Variants in BIRC6 observed in about 807,000 individuals in gnomAD.
BIRC6 encodes baculoviral IAP repeat containing 6.
In BIRC6, 98 loss-of-function variants were observed where a neutral mutation model predicts 503.3. The ratio of observed to expected loss-of-function variants is 0.19; its 90% CI spans 0.17 to 0.23. The LOEUF is 0.23. Among genes scored for constraint, BIRC6 ranks in the 10% least tolerant of loss-of-function variants. BIRC6 has a pLI of 1.00. For missense variants in BIRC6, 5,360 were observed against 5,806.0 expected (o/e 0.92, Z 2.50); for synonymous variants, 2,240 against 2,078.7 (o/e 1.08, Z -2.11).
intron 10 of BIRC6, among the ~76,000 whole-genome samples, chr2:32,417,999 C>T (rs1006744031): frequency 5.3e-5 from 8 of 152,158 alleles, no homozygotes; most frequent in Non-Finnish European, 5.9e-5. Flanking sequence ...AGTCTGGTCT[C>T]GAACTGCTGA....
rs986224981 is a variant in BIRC6, at chr2:32,514,981, A to G, written c.10569-9A>G. The G allele has an allele frequency of 1.3e-6, 2 of 1,590,734 alleles. No homozygotes were observed. Among genetic ancestry groups the G allele is most frequent in the Non-Finnish European group, 1.7e-6 (2 of 1,164,034 alleles). On this transcript the variant is annotated splice_polypyrimidine_tract_variant and intron_variant, in intron 54 of 73. Transcript: ENST00000421745. The stretch of plus-strand genomic sequence containing the variant: ...TTGTATCATTAATATGATATCTTTT[A>G]TTTTTTAGGTTACTTTTTAATTGGT...
intron 21 of BIRC6, among the ~76,000 whole-genome samples, chr2:32,447,167 C>T (rs564315698): frequency 5.0e-4 from 75 of 150,096 alleles, no homozygotes; most frequent in Admixed American, 1.9e-3. Context: ...CACACAGACC[C>T]GGCAACCATC....
At chr2:32,511,201 CTTTTT>C in intron 53 of BIRC6, among the ~76,000 whole-genome samples, 682 of 48,644 alleles carry the variant, frequency 0.014, 1 homozygote, top group Middle Eastern at 0.079. Context: ...CTTTTCTTTT[CTTTTT>C]TTTTTTTTTT....
chr2:32,521,617 C>T (rs566567702), intron 57 of BIRC6, among the ~76,000 whole-genome samples: 8 of 149,778 alleles, frequency 5.3e-5, no homozygotes, highest in Non-Finnish European at 1.0e-4. Flanking sequence ...TATAGGCACG[C>T]GCCACCACAC....
chr2:32,500,029 T>G lies in BIRC6; in HGVS notation c.8951T>G (p.Val2984Gly). The G allele has an allele frequency of 6.2e-7, 1 of 1,613,976 alleles. No individual in the cohort carries two copies. Among genetic ancestry groups the G allele is most frequent in the Non-Finnish European group, 8.5e-7 (1 of 1,179,886 alleles). ...QGSPAYVADL[V>G]LANQQIMSQI... ...TCGCCTGCATATGTTGCTGACTTAGTCTTAGCCAACCAACAAATTATGAGC... is the reference window on the plus strand; with the variant it reads ...TCGCCTGCATATGTTGCTGACTTAGGCTTAGCCAACCAACAAATTATGAGC... Residue 2984 changes from valine (V) to glycine (G), a missense_variant, in exon 46 of 74, where the codon GTC becomes GGC. Val to Gly is a moderately radical substitution (Grantham distance 109). This residue lies in a region of BIRC6 where 2,299 missense variants were observed against 2,267.2 expected (regional missense o/e 1.01). Transcript: ENST00000421745.
rs991081681 is a variant in BIRC6 at position 32,357,157 on chromosome 2, C to A, written c.-5C>A. ...TAACGCGCTCGGCTTGCCCCCTGGC[C>A]CCGGATGGTGACTGGTGGTGGTGCT... On this transcript the variant is annotated 5_prime_UTR_variant, in exon 1 of 74. Transcript: ENST00000421745. The surrounding 1 kb of genome is among the most constrained non-coding windows in gnomAD (Gnocchi z 4.9). 6.7e-7 allele frequency: 1 copy of A among 1,502,452 alleles called. No individual in the cohort carries two copies. The highest frequency in any genetic ancestry group is 2.7e-5 in the East Asian group (1 of 36,698). The allele number at this position is 1,502,452 out of a possible 1,614,324, so 93.1% of individuals were successfully genotyped here.
chr2:32,419,658 G>A (rs1437157215), intron 10 of BIRC6, among the ~76,000 whole-genome samples: 1 of 152,032 alleles, frequency 6.6e-6, no homozygotes, highest in Non-Finnish European at 1.5e-5. Flanking sequence ...TTAAAAGGCC[G>A]CAATTAATAG....
chr2:32,375,703 A>G (rs367921415), intron 1 of BIRC6, among the ~76,000 whole-genome samples: 99 of 151,756 alleles, frequency 6.5e-4, no homozygotes, highest in African/African-American at 2.3e-3. Flanking sequence ...CCGTATTGAT[A>G]AGTGCAATAT....
intron 65 of BIRC6, among the ~76,000 whole-genome samples, chr2:32,550,550 A>G (rs1310573298): frequency 3.3e-5 from 5 of 152,090 alleles, no homozygotes; most frequent in Non-Finnish European, 1.5e-5. Context: ...TTGAGACTAT[A>G]CATTTTAATT....
In BIRC6 at chr2:32,357,387, C is replaced by T. The variant is rs1223688094; in HGVS notation, c.226C>T (p.His76Tyr). Reference protein sequence around the residue: ...DADGLHSLSYHPALNAILAVT... With the variant: ...DADGLHSLSYYPALNAILAVT... ...CGACGGGCTGCACAGCCTGTCCTAC[C>T]ACCCTGCGCTCAACGCCATCCTGGC... The change falls in exon 1 of 74, where the codon CAC becomes TAC. Residue 76 changes from histidine to tyrosine, a missense_variant. Physicochemically the swap from His to Tyr is moderately conservative, Grantham distance 83. Transcript: ENST00000421745. The surrounding 1 kb of genome is among the most constrained non-coding windows in gnomAD (Gnocchi z 4.9). 2 of 1,549,086 alleles carry T rather than the reference C, an allele frequency of 1.3e-6. No individual in the cohort carries two copies. The highest frequency in any genetic ancestry group is 1.7e-6 in the Non-Finnish European group (2 of 1,146,574).
At chr2:32,478,269 A>G (rs765069928) in intron 35 of BIRC6, among the ~76,000 whole-genome samples, 6 of 152,078 alleles carry the variant, frequency 3.9e-5, no homozygotes, top group Admixed American at 6.6e-5. Flanking sequence ...CCTGGGGGCG[A>G]TGAGGTTGCA....
At chr2:32,602,389 C>CA (rs1275454882) in intron 70 of BIRC6, 1 of 152,048 alleles carries the variant, frequency 6.6e-6, no homozygotes, top group Non-Finnish European at 1.5e-5. Context: ...AAATTGATCT[C>CA]AATCAACGTA....
Position 32,543,327 on chromosome 2 carries a change from G to A in BIRC6, c.12378G>A (p.Gly4126=), listed in dbSNP as rs780832552. The A allele has an allele frequency of 1.9e-6, 3 of 1,613,968 alleles. No individual in the cohort carries two copies. In the South Asian group the frequency reaches 3.3e-5, roughly 18 times the overall value. Residue 4126 remains glycine (G), a synonymous_variant, in exon 62 of 74, where the codon GGG becomes GGA. Transcript: ENST00000421745. ...AATGGGTGACCATTGAACAGTCAGG[G>A]GAGTTAGTTTATGAAGCACCAGAAA... ...QFEWVTIEQS[G]ELVYEAPETV...
intron 23 of BIRC6, among the ~76,000 whole-genome samples, chr2:32,461,453 A>G (rs1285018744): frequency 6.6e-6 from 1 of 150,420 alleles, no homozygotes; most frequent in Non-Finnish European, 1.5e-5. Context: ...TGATCCACCT[A>G]CCTCAGCCTC....
intron 44 of BIRC6, 47 bp from the exon 45 acceptor site, chr2:32,493,493 A>G (rs373609793): frequency 4.7e-6 from 7 of 1,499,738 alleles, no homozygotes; most frequent in African/African-American, 1.4e-5. Context: ...ATGATTTTTT[A>G]CATGTTACCA....
intron 18 of BIRC6, 30 bp downstream of exon 18, chr2:32,442,256 T>C (rs768789208): frequency 3.1e-6 from 5 of 1,605,054 alleles, no homozygotes; most frequent in Non-Finnish European, 4.3e-6. Flanking sequence ...CTTACCACTG[T>C]TGATTGCCTT....
chr2:32,436,815 T>G (rs1362885717), intron 15 of BIRC6, among the ~76,000 whole-genome samples: 1 of 151,558 alleles, frequency 6.6e-6, no homozygotes, highest in Non-Finnish European at 1.5e-5. Context: ...CTGCCCACCT[T>G]GGCCTCCCAA....
At chr2:32,390,021 G>C (rs1446172381) in intron 4 of BIRC6, among the ~76,000 whole-genome samples, 1 of 151,736 alleles carries the variant, frequency 6.6e-6, no homozygotes, top group African/African-American at 2.4e-5. Flanking sequence ...CACCATACCG[G>C]GGCTAATTTT....
intron 64 of BIRC6, chr2:32,549,102 G>A (rs2058261775): frequency 2.7e-6 from 1 of 367,616 alleles, no homozygotes. Context: ...CTAGTCATAT[G>A]TAGTGTACCA....
Sources: gnomAD v4.1 joint callset for allele counts (sites outside exome capture counted in the v4.1 genomes callset) on GRCh38, gnomAD v4.1.1 for gene constraint, gnomAD v4.1.1 regional missense constraint, Gnocchi (gnomAD v3.1) non-coding constraint, MANE v1.5 for transcripts, NCBI Gene and HGNC (gene_info 2026-07-23, HGNC 2026-07-21) for gene names.